SFXN5: variants seen among roughly 807,000 people sequenced by gnomAD.
SFXN5 encodes sideroflexin 5.
Under a neutral mutation model 50.2 loss-of-function variants are expected in SFXN5, and 43 were observed. The ratio of observed to expected loss-of-function variants is 0.86; its 90% confidence interval spans 0.67 to 1.11. The LOEUF (loss-of-function observed/expected upper bound fraction) is 1.11, where lower values mean the gene tolerates loss of function less well. SFXN5 is among the 50% of genes least tolerant of loss of function. The pLI, the probability that SFXN5 is intolerant of heterozygous loss-of-function variation, is 0.00. For synonymous variants in SFXN5, 203 were observed against 185.8 expected (o/e 1.09, Z -0.75); for missense variants, 463 against 454.1 (o/e 1.02, Z -0.18).
intron 6 of SFXN5, among the ~76,000 whole-genome samples, chr2:73,018,147 C>CCAGT (rs1447454694): frequency 6.6e-6 from 1 of 151,356 alleles, no homozygotes; most frequent in Non-Finnish European, 1.5e-5. Context: ...GTTTGAGGCT[C>CCAGT]CAGTGAGCCA....
Position 73,052,996 on chromosome 2 carries a change from G to A in SFXN5, c.171+5532C>T, listed in dbSNP as rs567889025. ...AGTTCAAGACCAGCCTGGCCAACAT[G>A]GCAAAACCCCGTCTCTACAAAAATA... On this transcript the variant is annotated intron_variant, in intron 2 of 13. Transcript: ENST00000272433. Among the ~76,000 whole-genome samples, 4 of 152,216 alleles carry A rather than the reference G, an allele frequency of 2.6e-5. No individual in the cohort carries two copies. The South Asian group carries it at 8.3e-4, about 32-fold the overall frequency.
intron 13 of SFXN5, among the ~76,000 whole-genome samples, chr2:72,955,774 G>A (rs112528692): frequency 3.9e-5 from 6 of 152,340 alleles, no homozygotes; most frequent in African/African-American, 1.4e-4. Flanking sequence ...GTGTATGTCT[G>A]TGTTGCAGTG....
chr2:73,014,250 T>C (rs1370620317), intron 6 of SFXN5, among the ~76,000 whole-genome samples: 2 of 152,238 alleles, frequency 1.3e-5, no homozygotes, highest in African/African-American at 2.4e-5. Flanking sequence ...TAAGGTGATG[T>C]AGAGATCTGA....
chr2:72,961,183 G>A lies in SFXN5; in HGVS notation c.893C>T (p.Ala298Val). Reference sequence around the variant, plus strand: ...GGCCAGCGGCAGGGCCAGGCCGAAGGCTGCCAGGCACACGAGGCTTTGCAC... The same window carrying A: ...GGCCAGCGGCAGGGCCAGGCCGAAGACTGCCAGGCACACGAGGCTTTGCAC... The part of the protein sequence containing the change: ...LPVQSLVCLA[A>V]FGLALPLAIS... Residue 298 changes from alanine (A) to valine (V), a missense_variant, in exon 13 of 14, where the codon GCC (alanine) becomes GTC (valine). Physicochemically the swap from Ala to Val is moderately conservative, Grantham distance 64. Coordinates refer to ENST00000272433, the MANE Select transcript of SFXN5 (RefSeq NM_144579.3). This position sits in a 1 kb window ranked among gnomAD's most constrained non-coding sequence, Gnocchi z 4.4. The A allele has an allele frequency of 1.9e-6, 3 of 1,574,964 alleles. No individual in the cohort carries two copies. The highest frequency in any genetic ancestry group is 1.1e-5 in the South Asian group (1 of 87,694).
At chr2:73,007,609 A>G (rs1220587679) in intron 6 of SFXN5, among the ~76,000 whole-genome samples, 1 of 152,128 alleles carries the variant, frequency 6.6e-6, no homozygotes, top group Non-Finnish European at 1.5e-5. Context: ...CAGAGAAATG[A>G]GGCCCCTCCA....
intron 3 of SFXN5, among the ~76,000 whole-genome samples, chr2:73,031,186 C>T (rs957399749): frequency 6.6e-6 from 1 of 152,216 alleles, no homozygotes; most frequent in Admixed American, 6.5e-5. Context: ...ATTTCCCAGC[C>T]TCCTCTGCAA....
chr2:73,045,928 G>C (rs536645629), intron 2 of SFXN5, among the ~76,000 whole-genome samples: 3 of 152,164 alleles, frequency 2.0e-5, no homozygotes, highest in Admixed American at 1.3e-4. Flanking sequence ...CCAGGGACAC[G>C]TCGCTTTCCC....
rs934537787 is a variant in SFXN5 at position 73,021,186 on chromosome 2, T to A, written c.332-922A>T. Among the ~76,000 whole-genome samples the A allele has an allele frequency of 2.6e-5, 4 of 152,242 alleles. No homozygotes were observed. The East Asian group carries it at 7.7e-4, about 29-fold the overall frequency. On this transcript the variant is annotated intron_variant, in intron 5 of 13. Transcript: ENST00000272433. ...AGCCTGCTGTGCCGGGTGCAGGGAC[T>A]GGGAAGCATCTACAACCACAACTGT... is the stretch of plus-strand genomic sequence containing the variant.
chr2:72,968,142 C>A (rs1343373871), intron 12 of SFXN5, among the ~76,000 whole-genome samples: 1 of 150,898 alleles, frequency 6.6e-6, no homozygotes, highest in Admixed American at 6.6e-5. Flanking sequence ...CACACACACA[C>A]ACACACACAC....
intron 10 of SFXN5, among the ~76,000 whole-genome samples, chr2:72,978,086 C>T (rs1670855158): frequency 6.7e-6 from 1 of 149,488 alleles, no homozygotes; most frequent in Non-Finnish European, 1.5e-5. Context: ...TTACTTATCA[C>T]ATTTAGGCCT....
chr2:73,013,143 C>T (rs1047283351), intron 6 of SFXN5, among the ~76,000 whole-genome samples: 1 of 152,052 alleles, frequency 6.6e-6, no homozygotes, highest in Non-Finnish European at 1.5e-5. Flanking sequence ...AGAATAAATA[C>T]GAATGGGTTC....
intron 1 of SFXN5, among the ~76,000 whole-genome samples, chr2:73,060,134 C>G (rs1161890657): frequency 6.6e-6 from 1 of 152,096 alleles, no homozygotes; most frequent in African/African-American, 2.4e-5. Flanking sequence ...AGATCCTGGT[C>G]CACTAACAGA....
chr2:73,055,628 C>T (rs1197248326), intron 2 of SFXN5, among the ~76,000 whole-genome samples: 1 of 142,420 alleles, frequency 7.0e-6, no homozygotes, highest in Non-Finnish European at 1.5e-5. Flanking sequence ...GACAGAGTCT[C>T]ACTCTGTTGC....
chr2:73,053,441 C>T (rs919523421), intron 2 of SFXN5: 1 of 154,108 alleles, frequency 6.5e-6, no homozygotes, highest in Admixed American at 6.5e-5. Flanking sequence ...CCTTCCCTCT[C>T]CTTTCTCCAT....
intron 13 of SFXN5, among the ~76,000 whole-genome samples, chr2:72,947,883 GAC>G (rs1253063230): frequency 7.2e-6 from 1 of 138,428 alleles, no homozygotes; most frequent in Non-Finnish European, 1.5e-5. Flanking sequence ...CGCTGCCACT[GAC>G]ACAATGCACA....
chr2:73,068,925 G>A (rs977062726), intron 1 of SFXN5, among the ~76,000 whole-genome samples: 1 of 151,854 alleles, frequency 6.6e-6, no homozygotes, highest in Non-Finnish European at 1.5e-5. Flanking sequence ...GTTGGGGGTA[G>A]AGGAAGAGGT....
At chr2:73,000,179 T>C (rs1673725666) in intron 8 of SFXN5, among the ~76,000 whole-genome samples, 1 of 152,218 alleles carries the variant, frequency 6.6e-6, no homozygotes, top group African/African-American at 2.4e-5. Flanking sequence ...TCCCATTTAA[T>C]GGGCCTTCTT....
intron 9 of SFXN5, among the ~76,000 whole-genome samples, chr2:72,993,429 C>G (rs1672850088): frequency 6.6e-6 from 1 of 152,216 alleles, no homozygotes; most frequent in Admixed American, 6.5e-5. Context: ...TCAGTTGCTC[C>G]AGCTGTGACC....
At position 72,999,283 on chromosome 2, in the gene SFXN5, G is replaced by C. The variant is rs732178; in HGVS notation, c.469-269C>G. 0.35 allele frequency among the ~76,000 whole-genome samples: 53,870 copies of C among 152,000 alleles called. 12,182 individuals are homozygous for C. The highest frequency in any genetic ancestry group is 0.64 in the African/African-American group (26,408 of 41,432). ...AAAGGTCACTGGCAGACAGTGCTGG[G>C]TGGAGGTGGAGAACAGCAAGGCTAA... On this transcript the variant is annotated intron_variant, in intron 8 of 13. Transcript: ENST00000272433.
Sources: allele counts gnomAD v4.1 joint callset (sites outside exome capture counted in the v4.1 genomes callset), GRCh38; gene constraint gnomAD v4.1.1; non-coding constraint Gnocchi (gnomAD v3.1); transcripts MANE v1.5; gene names NCBI Gene and HGNC (gene_info 2026-07-23, HGNC 2026-07-21).